The following CHST9 variants were observed in gnomAD, a reference collection of about 807,000 sequenced individuals.
The protein encoded by CHST9 is GalNAc-4-sulfotransferase 2.
CHST9 carries 41 observed loss-of-function variants against 44.4 expected under a neutral mutation model. That is an observed-to-expected ratio of 0.92 (90% CI 0.72 to 1.20). The LOEUF (loss-of-function observed/expected upper bound fraction) is 1.20. CHST9 is among the 50% of genes most tolerant of loss of function. The probability of loss-of-function intolerance (pLI) is 0.00; values close to 1 mark genes in which losing one functional copy is unlikely to be tolerated. For synonymous variants in CHST9, 171 were observed against 178.4 expected (o/e 0.96, Z 0.33); for missense variants, 504 against 516.5 (o/e 0.98, Z 0.23).
intron 2 of CHST9, among the ~76,000 whole-genome samples, chr18:27,141,591 C>CAAAAAAAAAAAAAAAAAAAA (rs34920055): frequency 4.0e-5 from 2 of 50,096 alleles, no homozygotes; most frequent in African/African-American, 1.8e-4. Flanking sequence ...AATCCCGACT[C>CAAAAAAAAAAAAAAAAAAAA]AAAAAAAAAA....
chr18:27,123,405 C>T (rs868551817), intron 2 of CHST9, among the ~76,000 whole-genome samples: 10 of 152,078 alleles, frequency 6.6e-5, no homozygotes, highest in Admixed American at 4.6e-4. Flanking sequence ...TGGTAAAAGG[C>T]CATTGTGTTC....
chr18:27,165,084 G>T (rs549600525), intron 1 of CHST9, among the ~76,000 whole-genome samples: 37 of 152,208 alleles, frequency 2.4e-4, no homozygotes, highest in Admixed American at 4.6e-4. Flanking sequence ...TAACAGCTGT[G>T]TAACAGGTGT....
intron 2 of CHST9, among the ~76,000 whole-genome samples, chr18:27,140,286 C>G (rs1450091060): frequency 6.6e-6 from 1 of 152,126 alleles, no homozygotes. Flanking sequence ...TTTTCCTCAT[C>G]TGTAAATTTA....
intron 2 of CHST9, among the ~76,000 whole-genome samples, chr18:27,108,824 CTTTGTTT>C (rs1418477816): frequency 6.6e-6 from 1 of 152,124 alleles, no homozygotes; most frequent in Non-Finnish European, 1.5e-5. Context: ...AAAAATTATT[CTTTGTTT>C]TTTGTTTTTT....
chr18:27,045,609 T>C (rs2057490566), intron 3 of CHST9, among the ~76,000 whole-genome samples: 1 of 152,002 alleles, frequency 6.6e-6, no homozygotes, highest in Non-Finnish European at 1.5e-5. Flanking sequence ...ATAATATTCT[T>C]TACCAAGCCA....
chr18:27,122,910 A>G (rs2058386962), intron 2 of CHST9, among the ~76,000 whole-genome samples: 1 of 152,202 alleles, frequency 6.6e-6, no homozygotes, highest in Non-Finnish European at 1.5e-5. Context: ...GCAGAGCTGG[A>G]AGGAAACTTG....
chr18:26,997,881 A>T (rs1316947248), intron 4 of CHST9, among the ~76,000 whole-genome samples: 1 of 152,212 alleles, frequency 6.6e-6, no homozygotes, highest in Non-Finnish European at 1.5e-5. Flanking sequence ...GGCCATTTAC[A>T]TATACTCTCT....
intron 2 of CHST9, among the ~76,000 whole-genome samples, chr18:27,112,509 G>A (rs909542085): frequency 4.0e-5 from 6 of 151,582 alleles, no homozygotes; most frequent in Non-Finnish European, 8.8e-5. Context: ...GTGGTGTCAT[G>A]TCAGTATTTA....
chr18:26,975,133 TCTA>T (rs2056601660), intron 4 of CHST9, among the ~76,000 whole-genome samples: 1 of 152,146 alleles, frequency 6.6e-6, no homozygotes, highest in Non-Finnish European at 1.5e-5. Flanking sequence ...GTTGTTTAAA[TCTA>T]CTGTTTTATT....
chr18:27,121,535 G>A (rs2143810061), intron 2 of CHST9, among the ~76,000 whole-genome samples: 1 of 152,318 alleles, frequency 6.6e-6, no homozygotes, highest in Non-Finnish European at 1.5e-5. Context: ...ACCTCAGTAG[G>A]ATGAATCAGA....
chr18:27,152,492 C>T (rs962315203), intron 1 of CHST9, among the ~76,000 whole-genome samples: 8 of 152,072 alleles, frequency 5.3e-5, no homozygotes, highest in African/African-American at 1.9e-4. Flanking sequence ...TCTGCTTGTT[C>T]CCCATTCTAA....
In CHST9 at chr18:27,030,233, A is replaced by G. The variant is rs143200926; in HGVS notation, c.161-6076T>C. Among the ~76,000 whole-genome samples, 857 of 152,342 alleles carry G rather than the reference A, an allele frequency of 5.6e-3. 8 individuals carry two copies. The highest frequency in any genetic ancestry group is 0.018 in the African/African-American group (756 of 41,582). ...GTTAAATTGTTCAAAATGTTTGTAC[A>G]TGGGTCATCACTTTTATGGACTTTG... On this transcript the variant is annotated intron_variant, in intron 3 of 5. Transcript: ENST00000618847.
chr18:27,135,381 A>C (rs988669873), intron 2 of CHST9, among the ~76,000 whole-genome samples: 2 of 152,130 alleles, frequency 1.3e-5, no homozygotes, highest in Non-Finnish European at 2.9e-5. Context: ...TGTTGGTCTC[A>C]CTTTATTGTT....
At chr18:27,175,551 T>C (rs2058861677) in intron 1 of CHST9, among the ~76,000 whole-genome samples, 1 of 151,708 alleles carries the variant, frequency 6.6e-6, no homozygotes, top group Admixed American at 6.6e-5. Context: ...GAACGAGGAG[T>C]ATGATATTTG....
At chr18:27,070,343 C>T in intron 2 of CHST9, among the ~76,000 whole-genome samples, 1 of 152,148 alleles carries the variant, frequency 6.6e-6, no homozygotes, top group Non-Finnish European at 1.5e-5. Flanking sequence ...CTAAGCCTTA[C>T]AAATTATACA....
intron 2 of CHST9, among the ~76,000 whole-genome samples, chr18:27,068,866 A>T (rs1568159348): frequency 6.6e-6 from 1 of 152,174 alleles, no homozygotes; most frequent in Non-Finnish European, 1.5e-5. Context: ...TTCAAACGTG[A>T]TGTAAGAATG....
intron 1 of CHST9, among the ~76,000 whole-genome samples, chr18:27,154,994 A>G (rs1220422118): frequency 6.6e-6 from 1 of 151,700 alleles, no homozygotes; most frequent in Non-Finnish European, 1.5e-5. Flanking sequence ...AAGCATGAGA[A>G]TCCCTTGAGC....
At chr18:27,129,331 C>T (rs1260519109) in intron 2 of CHST9, among the ~76,000 whole-genome samples, 1 of 152,038 alleles carries the variant, frequency 6.6e-6, no homozygotes, top group Non-Finnish European at 1.5e-5. Flanking sequence ...TGCCACCAAA[C>T]CTCTTAATTG....
intron 4 of CHST9, among the ~76,000 whole-genome samples, chr18:26,974,591 T>A (rs1786627): frequency 0.64 from 97,520 of 152,040 alleles, 31,677 homozygotes; most frequent in East Asian, 0.73. Flanking sequence ...GCTTTCAGAT[T>A]CTTCCATCAT....
Sources: gnomAD v4.1 joint callset for allele counts (sites outside exome capture counted in the v4.1 genomes callset) on GRCh38, gnomAD v4.1.1 for gene constraint, MANE v1.5 for transcripts, NCBI Gene and HGNC (gene_info 2026-07-23, HGNC 2026-07-21) for gene names.